Variants in DNAJC10 observed in about 807,000 individuals in gnomAD.
DNAJC10 encodes endoplasmic reticulum disulfide reductase DNAJC10.
A neutral mutation model predicts 115.0 loss-of-function variants in DNAJC10; 101 were observed. That is an observed-to-expected ratio of 0.88 (90% CI 0.75 to 1.04). The LOEUF (loss-of-function observed/expected upper bound fraction) is 1.04, where lower values mean the gene tolerates loss of function less well. DNAJC10 is among the 50% of genes least tolerant of loss of function. The pLI, the probability that DNAJC10 is intolerant of heterozygous loss-of-function variation, is 0.00. For synonymous variants in DNAJC10, 307 were observed against 301.5 expected, an observed-to-expected ratio of 1.02 and a Z score of -0.19; for missense variants, 981 against 928.8, an observed-to-expected ratio of 1.06 and a Z score of -0.73.
chr2:182,742,734 C>T lies in DNAJC10; in HGVS notation c.1192-864C>T, dbSNP rs1384237355. On this transcript the variant is annotated intron_variant, in intron 13 of 23. Coordinates refer to ENST00000264065, the MANE Select transcript of DNAJC10 (RefSeq NM_018981.4). ...GCTTTCAACTGGTCGGGGAAAAATACTTTTTCATGATTATTAACAAATCAT... is the reference window on the plus strand; with the variant it reads ...GCTTTCAACTGGTCGGGGAAAAATATTTTTTCATGATTATTAACAAATCAT... Among the ~76,000 whole-genome samples the T allele has an allele frequency of 2.6e-5, 4 of 152,242 alleles. No individual in the cohort carries two copies. In the East Asian group the frequency reaches 7.7e-4, roughly 29 times the overall value.
rs1182848033 is a variant in DNAJC10, at chr2:182,780,185, G to C, written c.*3053G>C. On this transcript the variant is annotated 3_prime_UTR_variant, in exon 24 of 24. Coordinates refer to ENST00000264065, the MANE Select transcript of DNAJC10 (RefSeq NM_018981.4). ...AGTTTGTAATATGGTTTGAGTATTTGTCCCCTCCAAATCTCATGTTGAAAT... is the reference window on the plus strand; with the variant it reads ...AGTTTGTAATATGGTTTGAGTATTTCTCCCCTCCAAATCTCATGTTGAAAT... 1 of 152,088 alleles carries C rather than the reference G, an allele frequency of 6.6e-6. No individual in the cohort carries two copies. The highest frequency in any genetic ancestry group is 1.9e-4 in the East Asian group (1 of 5,192). 9.4% of individuals were successfully genotyped at this position (152,088 alleles called of 1,614,324 possible).
intron 22 of DNAJC10, among the ~76,000 whole-genome samples, chr2:182,771,818 T>C (rs1468104815): frequency 6.6e-6 from 1 of 151,718 alleles, no homozygotes; most frequent in Non-Finnish European, 1.5e-5. Flanking sequence ...TATGTCTCTC[T>C]TTCAGTTCTG....
At chr2:182,728,551 T>G in intron 5 of DNAJC10, 25 bp from the exon 6 acceptor site, 3 of 1,522,818 alleles carry the variant, frequency 2.0e-6, no homozygotes, top group African/African-American at 1.4e-5. Flanking sequence ...TAATTCTAAG[T>G]TGTTTGCATT....
chr2:182,793,819 A>ATC lies in DNAJC10; in HGVS notation c.*16688_*16689dup, dbSNP rs1049168344. 6 of 67,272 alleles carry ATC rather than the reference A, an allele frequency of 8.9e-5. No homozygotes were observed. Among genetic ancestry groups the ATC allele is most frequent in the Admixed American group, 1.8e-4 (1 of 5,680 alleles). 4.2% of individuals were successfully genotyped at this position (67,272 alleles called of 1,614,324 possible). A position where few individuals can be genotyped will look rare whatever the true frequency, so the allele number is the denominator to read the frequency against. Reference sequence around the variant, plus strand: ...CTAAAATTTTCCAGAGAGGAAACACATCACACACACACACACACACACACA... The same window carrying ATC: ...CTAAAATTTTCCAGAGAGGAAACACATCTCACACACACACACACACACACACA... On this transcript the variant is annotated 3_prime_UTR_variant, in exon 24 of 24. Transcript: ENST00000264065.
chr2:182,758,790 C>A, intron 19 of DNAJC10, 47 bp from the exon 20 acceptor site: 1 of 1,297,928 alleles, frequency 7.7e-7, no homozygotes, highest in Non-Finnish European at 1.1e-6. Flanking sequence ...TGAATACATC[C>A]AATAATAGAG....
At chr2:182,719,739 C>T (rs1693097363) in intron 3 of DNAJC10, among the ~76,000 whole-genome samples, 3 of 150,420 alleles carry the variant, frequency 2.0e-5, no homozygotes, top group East Asian at 2.0e-4. Context: ...AAGAATAACT[C>T]ATGGTCTGAT....
chr2:182,748,751 G>T (rs1163373917), intron 14 of DNAJC10, among the ~76,000 whole-genome samples: 1 of 152,046 alleles, frequency 6.6e-6, no homozygotes, highest in Non-Finnish European at 1.5e-5. Flanking sequence ...TGATGTTAGG[G>T]TGTCAATTTT....
Position 182,792,974 on chromosome 2 carries a change from A to T in DNAJC10, c.*15842A>T, listed in dbSNP as rs1695079400. ...TATGTTAGAAGATGTGCTGTGAAAT[A>T]AAGAAAAAGGTAGACCAGGGTATGA... On this transcript the variant is annotated 3_prime_UTR_variant, in exon 24 of 24. Coordinates refer to ENST00000264065, the MANE Select transcript of DNAJC10 (RefSeq NM_018981.4). The T allele has an allele frequency of 6.6e-6, 1 of 151,008 alleles. No homozygotes were observed. Among genetic ancestry groups the T allele is most frequent in the Non-Finnish European group, 1.5e-5 (1 of 67,488 alleles). The allele number at this position is 151,008 out of a possible 1,614,324, so 9.4% of individuals were successfully genotyped here.
chr2:182,716,751 C>T (rs1693003251), intron 1 of DNAJC10, among the ~76,000 whole-genome samples: 1 of 152,136 alleles, frequency 6.6e-6, no homozygotes, highest in Non-Finnish European at 1.5e-5. Flanking sequence ...AGCCCTGTTC[C>T]CCCGTGTCTT....
intron 11 of DNAJC10, chr2:182,739,571 CAG>C (rs375441171): frequency 2.2e-4 from 272 of 1,218,862 alleles, no homozygotes; most frequent in South Asian, 7.1e-4. Context: ...ATCAGACCAG[CAG>C]AGAGAGAGAG....
At chr2:182,732,354 A>G in intron 9 of DNAJC10, 145 bp from the exon 10 acceptor site, 3 of 743,516 alleles carry the variant, frequency 4.0e-6, no homozygotes, top group East Asian at 2.6e-5. Flanking sequence ...GTGTGTGTGT[A>G]GAAGGATTTC....
rs529505660 is a variant in DNAJC10 at position 182,718,095 on chromosome 2, C to G, written c.9C>G (p.Val3=). 1.4e-5 allele frequency: 23 copies of G among 1,598,074 alleles called. No individual in the cohort carries two copies. Among genetic ancestry groups the G allele is most frequent in the Admixed American group, 1.0e-4 (6 of 58,462 alleles). The change falls in exon 3 of 24, where the codon GTC becomes GTG. Residue 3 remains valine, a synonymous_variant. Coordinates refer to ENST00000264065, the MANE Select transcript of DNAJC10 (RefSeq NM_018981.4). MG[V]WLNKDDYIRD... is the part of the protein sequence containing the mutation. ...CTTGCATAAGAAAGAGAATGGGAGT[C>G]TGGTTAAATAAAGATGACTATATCA...
At chr2:182,747,304 C>G (rs1465857823) in intron 14 of DNAJC10, among the ~76,000 whole-genome samples, 1 of 152,140 alleles carries the variant, frequency 6.6e-6, no homozygotes, top group Non-Finnish European at 1.5e-5. Flanking sequence ...GGCATTGAAT[C>G]TGTAAATTAC....
At chr2:182,762,159 G>GA (rs34152329) in intron 21 of DNAJC10, among the ~76,000 whole-genome samples, 72 of 65,224 alleles carry the variant, frequency 1.1e-3, no homozygotes, top group Admixed American at 2.5e-3. Flanking sequence ...TGCTGCTCAG[G>GA]AAAAAAAAAA....
chr2:182,724,168 A>G (rs977819859), intron 5 of DNAJC10, among the ~76,000 whole-genome samples: 1 of 152,238 alleles, frequency 6.6e-6, no homozygotes, highest in Non-Finnish European at 1.5e-5. Context: ...GATTAAATTT[A>G]ATATAAGCCC....
intron 8 of DNAJC10, 94 bp from the exon 9 acceptor site, chr2:182,730,936 T>A (rs530916437): frequency 6.6e-6 from 5 of 761,610 alleles, no homozygotes; most frequent in East Asian, 2.7e-5. Context: ...TAGAAGAGGG[T>A]GAGATTAGAA....
At chr2:182,739,183 A>G in intron 11 of DNAJC10, among the ~76,000 whole-genome samples, 1 of 144,792 alleles carries the variant, frequency 6.9e-6, no homozygotes, top group Admixed American at 6.9e-5. Flanking sequence ...TATATATAGT[A>G]TATATCATAT....
At chr2:182,732,421 T>C in intron 9 of DNAJC10, 78 bp from the exon 10 acceptor site, 1 of 1,384,138 alleles carries the variant, frequency 7.2e-7, no homozygotes, top group Non-Finnish European at 1.0e-6. Context: ...CATGGTAATT[T>C]GGGGGAAAGG....
chr2:182,750,784 T>G (rs1693995974), intron 14 of DNAJC10, among the ~76,000 whole-genome samples: 1 of 152,208 alleles, frequency 6.6e-6, no homozygotes. Context: ...GGTAATGTGT[T>G]GCACTACAGA....
Sources: allele counts gnomAD v4.1 joint callset (sites outside exome capture counted in the v4.1 genomes callset), GRCh38; gene constraint gnomAD v4.1.1; transcripts MANE v1.5; gene names NCBI Gene and HGNC (gene_info 2026-07-23, HGNC 2026-07-21).